Variants in ADAMTS19 observed in about 807,000 individuals in gnomAD.
ADAMTS19 encodes ADAM metallopeptidase with thrombospondin type 1 motif 19, also known as A disintegrin and metalloproteinase with thrombospondin motifs 19.
ADAMTS19 carries 93 observed loss-of-function variants against 153.3 expected under a neutral mutation model. That is an observed-to-expected ratio of 0.61 (90% CI 0.51 to 0.72). ADAMTS19 has a LOEUF of 0.72. Among genes scored for constraint, ADAMTS19 ranks in the 30% least tolerant of loss-of-function variants. The pLI is 0.00. For missense variants in ADAMTS19, 1,482 were observed against 1,552.1 expected, an observed-to-expected ratio of 0.95 and a Z score of 0.76; for synonymous variants, 600 against 556.6, an observed-to-expected ratio of 1.08 and a Z score of -1.10.
At chr5:129,658,309 A>AAAAGAAAGAAAGAAAGAG (rs1753639721) in intron 14 of ADAMTS19, among the ~76,000 whole-genome samples, 1 of 113,624 alleles carries the variant, frequency 8.8e-6, no homozygotes, top group African/African-American at 4.0e-5. Context: ...GAAAGAAAGA[A>AAAAGAAAGAAAGAAAGAG]AAAGAAAGAA....
intron 16 of ADAMTS19, among the ~76,000 whole-genome samples, chr5:129,669,440 G>A (rs1754199794): frequency 6.6e-6 from 1 of 151,928 alleles, no homozygotes; most frequent in Non-Finnish European, 1.5e-5. Flanking sequence ...TATTTCTGTA[G>A]CATTGATTAT....
At chr5:129,531,925 T>C (rs1472344503) in intron 6 of ADAMTS19, among the ~76,000 whole-genome samples, 1 of 152,130 alleles carries the variant, frequency 6.6e-6, no homozygotes, top group African/African-American at 2.4e-5. Flanking sequence ...GCAGATGGTA[T>C]TAGAATACAT....
intron 3 of ADAMTS19, among the ~76,000 whole-genome samples, chr5:129,515,665 A>T (rs1561546483): frequency 6.6e-6 from 1 of 151,812 alleles, no homozygotes; most frequent in Non-Finnish European, 1.5e-5. Flanking sequence ...TACTGAATTT[A>T]TCTGTTTTAA....
At chr5:129,632,317 C>T (rs1016219254) in intron 10 of ADAMTS19, among the ~76,000 whole-genome samples, 87 of 151,906 alleles carry the variant, frequency 5.7e-4, no homozygotes, top group Non-Finnish European at 1.1e-3. Context: ...TTTAGACTTC[C>T]TCATTCAGTT....
chr5:129,643,186 C>G lies in ADAMTS19; in HGVS notation c.1872+1226C>G, dbSNP rs963658078. On this transcript the variant is annotated intron_variant, in intron 11 of 22. Coordinates refer to ENST00000274487, the MANE Select transcript of ADAMTS19 (RefSeq NM_133638.6). ...ACAAAAGCACACACACACACACACA[C>G]AAGTATATATTTTCAAACTCATAAA... Among the ~76,000 whole-genome samples the G allele has an allele frequency of 3.4e-5, 5 of 149,182 alleles. No homozygotes were observed. The South Asian group carries it at 1.1e-3, about 31-fold the overall frequency.
chr5:129,533,694 C>A (rs996117475), intron 6 of ADAMTS19, among the ~76,000 whole-genome samples: 7 of 151,862 alleles, frequency 4.6e-5, no homozygotes, highest in Non-Finnish European at 8.8e-5. Flanking sequence ...GTTAGGGTGT[C>A]AATTTTAGAT....
At chr5:129,638,558 G>T in intron 10 of ADAMTS19, among the ~76,000 whole-genome samples, 1 of 135,472 alleles carries the variant, frequency 7.4e-6, no homozygotes, top group African/African-American at 2.9e-5. Context: ...AGTACTCTCT[G>T]TCTCACACAC....
intron 15 of ADAMTS19, among the ~76,000 whole-genome samples, chr5:129,664,621 G>GA (rs1753958256): frequency 6.6e-6 from 1 of 151,996 alleles, no homozygotes; most frequent in Non-Finnish European, 1.5e-5. Context: ...ATAAACAGGA[G>GA]ACAACTCTGG....
At chr5:129,556,624 T>C (rs1376388150) in intron 7 of ADAMTS19, among the ~76,000 whole-genome samples, 1 of 152,160 alleles carries the variant, frequency 6.6e-6, no homozygotes, top group Non-Finnish European at 1.5e-5. Flanking sequence ...ATTATCATGG[T>C]AGGCCCAGTG....
intron 21 of ADAMTS19, among the ~76,000 whole-genome samples, chr5:129,713,179 G>A (rs944031804): frequency 6.6e-6 from 1 of 152,132 alleles, no homozygotes. Flanking sequence ...TTTTTGTGAT[G>A]TTGAACCTCA....
chr5:129,697,186 G>T (rs1755597144), intron 19 of ADAMTS19, among the ~76,000 whole-genome samples: 1 of 152,102 alleles, frequency 6.6e-6, no homozygotes, highest in South Asian at 2.1e-4. Flanking sequence ...TTAGTCTTAG[G>T]ATCTCTGTTT....
intron 6 of ADAMTS19, among the ~76,000 whole-genome samples, chr5:129,529,477 G>A (rs1280849879): frequency 3.9e-5 from 6 of 152,138 alleles, no homozygotes; most frequent in Admixed American, 2.0e-4. Flanking sequence ...TTCTACTTTC[G>A]GCTAAGTAGG....
intron 2 of ADAMTS19, among the ~76,000 whole-genome samples, chr5:129,480,050 G>A (rs1352928010): frequency 6.6e-6 from 1 of 152,134 alleles, no homozygotes; most frequent in East Asian, 1.9e-4. Flanking sequence ...TCTTATTGAA[G>A]TGATAATGTT....
At chr5:129,573,803 TTTAA>T (rs1291160075) in intron 7 of ADAMTS19, among the ~76,000 whole-genome samples, 3 of 152,130 alleles carry the variant, frequency 2.0e-5, no homozygotes, top group African/African-American at 4.8e-5. Flanking sequence ...AACAATTGAC[TTTAA>T]TTATAGCATT....
chr5:129,556,249 T>C (rs1461571373), intron 7 of ADAMTS19, among the ~76,000 whole-genome samples: 1 of 152,166 alleles, frequency 6.6e-6, no homozygotes, highest in Non-Finnish European at 1.5e-5. Flanking sequence ...TTTAAAAACA[T>C]ATGTGCATTT....
chr5:129,680,999 T>C (rs1319288735), intron 17 of ADAMTS19, among the ~76,000 whole-genome samples: 1 of 152,208 alleles, frequency 6.6e-6, no homozygotes, highest in Non-Finnish European at 1.5e-5. Context: ...AACACCTCCT[T>C]AAGTCCACAT....
chr5:129,505,232 G>A (rs549340473), intron 2 of ADAMTS19, among the ~76,000 whole-genome samples: 2 of 152,186 alleles, frequency 1.3e-5, no homozygotes, highest in African/African-American at 2.4e-5. Flanking sequence ...CAATAAATGA[G>A]CATGGAAGAA....
At chr5:129,615,173 T>C (rs1471453608) in intron 8 of ADAMTS19, among the ~76,000 whole-genome samples, 1 of 151,868 alleles carries the variant, frequency 6.6e-6, no homozygotes, top group Non-Finnish European at 1.5e-5. Context: ...CTTCACAGAA[T>C]TGGAAAAAAC....
At position 129,482,264 on chromosome 5, in the gene ADAMTS19, T is replaced by A. The variant is rs142502489; in HGVS notation, c.747+20507T>A. 8.6e-4 allele frequency among the ~76,000 whole-genome samples: 131 copies of A among 152,224 alleles called. No individual in the cohort carries two copies. The East Asian group carries it at 0.019, about 22-fold the overall frequency. On this transcript the variant is annotated intron_variant, in intron 2 of 22. Coordinates refer to ENST00000274487, the MANE Select transcript of ADAMTS19 (RefSeq NM_133638.6). ...GATATTCTGAATTCTTCACCCTCTA[T>A]CACGCATAATTATTCACCTCTTCAC... is the stretch of plus-strand genomic sequence containing the variant.
Sources: allele counts gnomAD v4.1 joint callset (sites outside exome capture counted in the v4.1 genomes callset), GRCh38; gene constraint gnomAD v4.1.1; transcripts MANE v1.5; gene names NCBI Gene and HGNC (gene_info 2026-07-23, HGNC 2026-07-21).